SLC9A9: variants seen among roughly 807,000 people sequenced by gnomAD.
SLC9A9 encodes sodium/hydrogen exchanger 9.
In SLC9A9, 62 loss-of-function variants were observed where a neutral mutation model predicts 77.8. The observed-to-expected ratio is 0.80, with a 90% CI of 0.65 to 0.98. The LOEUF is 0.98. Among genes scored for constraint, SLC9A9 ranks in the 50% least tolerant of loss-of-function variants. The probability of loss-of-function intolerance (pLI) is 0.00; values close to 1 mark genes in which losing one functional copy is unlikely to be tolerated. For missense variants in SLC9A9, 775 were observed against 774.9 expected, an observed-to-expected ratio of 1.00 and a Z score of 0.00; for synonymous variants, 320 against 283.5, an observed-to-expected ratio of 1.13 and a Z score of -1.29.
chr3:143,486,270 T>C (rs1313219738), intron 11 of SLC9A9, among the ~76,000 whole-genome samples: 2 of 152,198 alleles, frequency 1.3e-5, no homozygotes, highest in Non-Finnish European at 2.9e-5. Flanking sequence ...TGGGGAGGTT[T>C]CATTATCATT....
intron 6 of SLC9A9, among the ~76,000 whole-genome samples, chr3:143,594,669 C>T (rs982053153): frequency 6.6e-6 from 1 of 151,996 alleles, no homozygotes; most frequent in Non-Finnish European, 1.5e-5. Flanking sequence ...TATCTTGGGT[C>T]CTATGTAGTC....
chr3:143,704,037 G>C (rs1409484208), intron 4 of SLC9A9, among the ~76,000 whole-genome samples: 2 of 152,030 alleles, frequency 1.3e-5, no homozygotes, highest in Non-Finnish European at 2.9e-5. Context: ...GATTTGGATT[G>C]GTCCTAAACA....
chr3:143,578,047 G>A (rs1050166499), intron 7 of SLC9A9, among the ~76,000 whole-genome samples: 3 of 152,140 alleles, frequency 2.0e-5, no homozygotes, highest in African/African-American at 7.2e-5. Flanking sequence ...GATTGCTCAG[G>A]TATGGCACAC....
chr3:143,839,075 AAAAAGT>A (rs1374388108), intron 1 of SLC9A9, among the ~76,000 whole-genome samples: 1 of 152,184 alleles, frequency 6.6e-6, no homozygotes, highest in Non-Finnish European at 1.5e-5. Flanking sequence ...GAGATGGAAC[AAAAAGT>A]AAAAACATGA....
intron 11 of SLC9A9, among the ~76,000 whole-genome samples, chr3:143,482,683 C>G (rs838642): frequency 0.41 from 62,800 of 152,094 alleles, 13,500 homozygotes; most frequent in Non-Finnish European, 0.48. Context: ...CTTCCAGCAA[C>G]TCCTGGTTCT....
chr3:143,446,167 C>T (rs1280414937), intron 12 of SLC9A9, among the ~76,000 whole-genome samples: 8 of 151,900 alleles, frequency 5.3e-5, no homozygotes, highest in African/African-American at 1.9e-4. Context: ...AAAAAAGAGA[C>T]AAATATTGGA....
intron 14 of SLC9A9, among the ~76,000 whole-genome samples, chr3:143,350,570 C>T (rs976704420): frequency 6.6e-6 from 1 of 152,196 alleles, no homozygotes; most frequent in Non-Finnish European, 1.5e-5. Context: ...TGCACCTTTA[C>T]TTGTGACCTT....
chr3:143,448,022 G>A (rs887689372), intron 12 of SLC9A9, among the ~76,000 whole-genome samples: 4 of 152,138 alleles, frequency 2.6e-5, no homozygotes, highest in Admixed American at 6.6e-5. Flanking sequence ...GGGGGATGGA[G>A]GATGGCATTT....
At chr3:143,800,062 A>C (rs750760311) in intron 2 of SLC9A9, among the ~76,000 whole-genome samples, 1 of 152,114 alleles carries the variant, frequency 6.6e-6, no homozygotes, top group Non-Finnish European at 1.5e-5. Flanking sequence ...AGACATTTTA[A>C]CTAAATTATC....
chr3:143,408,129 T>C (rs998979723), intron 12 of SLC9A9, among the ~76,000 whole-genome samples: 1 of 152,202 alleles, frequency 6.6e-6, no homozygotes, highest in Non-Finnish European at 1.5e-5. Context: ...CGGGGCCCAA[T>C]GTTTATGCTT....
intron 6 of SLC9A9, among the ~76,000 whole-genome samples, chr3:143,623,737 G>T (rs906222397): frequency 6.6e-6 from 1 of 152,062 alleles, no homozygotes; most frequent in Non-Finnish European, 1.5e-5. Flanking sequence ...ATTCAAAAGC[G>T]AGCAGAAGGC....
At chr3:143,611,102 GA>G (rs2038015786) in intron 6 of SLC9A9, among the ~76,000 whole-genome samples, 1 of 151,802 alleles carries the variant, frequency 6.6e-6, no homozygotes, top group Admixed American at 6.6e-5. Flanking sequence ...TAGAAGGCTA[GA>G]AAAAAATTTC....
At chr3:143,279,517 A>G (rs948558942) in intron 14 of SLC9A9, among the ~76,000 whole-genome samples, 2 of 152,094 alleles carry the variant, frequency 1.3e-5, no homozygotes, top group African/African-American at 2.4e-5. Context: ...GCATCCATCA[A>G]CCCGTTATCT....
intron 15 of SLC9A9, among the ~76,000 whole-genome samples, chr3:143,268,420 G>A (rs1165235880): frequency 5.3e-5 from 8 of 152,114 alleles, no homozygotes. Context: ...GCTTCCTAGT[G>A]CAGTGAATTT....
chr3:143,621,460 T>C (rs974058026), intron 6 of SLC9A9, among the ~76,000 whole-genome samples: 3 of 152,208 alleles, frequency 2.0e-5, no homozygotes, highest in Non-Finnish European at 4.4e-5. Context: ...TGTTTACCAA[T>C]ATCCGCTGTT....
At chr3:143,487,063 G>C (rs2035664090) in intron 11 of SLC9A9, among the ~76,000 whole-genome samples, 1 of 151,910 alleles carries the variant, frequency 6.6e-6, no homozygotes, top group Non-Finnish European at 1.5e-5. Flanking sequence ...ACAAACAGAT[G>C]AGAGTAAAAG....
intron 4 of SLC9A9, among the ~76,000 whole-genome samples, chr3:143,746,515 A>G (rs377518210): frequency 6.6e-6 from 1 of 152,106 alleles, no homozygotes; most frequent in East Asian, 1.9e-4. Flanking sequence ...TAATTTATCT[A>G]TTTCCAAAAC....
chr3:143,282,262 C>G (rs73868710), intron 14 of SLC9A9, among the ~76,000 whole-genome samples: 5,439 of 152,224 alleles, frequency 0.036, 111 homozygotes, highest in South Asian at 0.064. Flanking sequence ...ACATACCCCC[C>G]CAAACCCACA....
At chr3:143,425,425 A>C (rs962062018) in intron 12 of SLC9A9, among the ~76,000 whole-genome samples, 26 of 152,188 alleles carry the variant, frequency 1.7e-4, no homozygotes, top group African/African-American at 5.1e-4. Context: ...AAAGAATTAA[A>C]GTATATCCAC....
Sources: allele counts gnomAD v4.1 joint callset (sites outside exome capture counted in the v4.1 genomes callset), GRCh38; gene constraint gnomAD v4.1.1; transcripts MANE v1.5; gene names NCBI Gene and HGNC (gene_info 2026-07-23, HGNC 2026-07-21).